Variants in GPR155 observed in about 807,000 individuals in gnomAD.
GPR155 encodes the protein lysosomal cholesterol signaling protein.
GPR155 carries 65 observed loss-of-function variants against 93.1 expected under a neutral mutation model. The ratio of observed to expected loss-of-function variants is 0.70; its 90% CI spans 0.57 to 0.86. The LOEUF is 0.86. Among genes scored for constraint, GPR155 ranks in the 40% least tolerant of loss-of-function variants. The probability of loss-of-function intolerance (pLI) is 0.00; values close to 1 mark genes in which losing one functional copy is unlikely to be tolerated. For missense variants in GPR155, 838 were observed against 1,034.8 expected (o/e 0.81, Z 2.61); for synonymous variants, 319 against 360.1 (o/e 0.89, Z 1.29).
intron 5 of GPR155, among the ~76,000 whole-genome samples, chr2:174,467,475 G>T (rs920591174): frequency 1.3e-5 from 2 of 152,156 alleles, no homozygotes; most frequent in African/African-American, 4.8e-5. Flanking sequence ...AACAGAGGGA[G>T]ACTCTGTCTC....
chr2:174,458,623 G>C (rs1037940941), intron 10 of GPR155, among the ~76,000 whole-genome samples: 1 of 152,030 alleles, frequency 6.6e-6, no homozygotes. Context: ...AGGCCCCAAA[G>C]ACTCAACTCT....
intron 11 of GPR155, among the ~76,000 whole-genome samples, chr2:174,448,442 C>T (rs1467802868): frequency 2.6e-5 from 4 of 151,838 alleles, no homozygotes; most frequent in South Asian, 4.2e-4. Flanking sequence ...TTCTGGACAT[C>T]GACCTTTGGG....
chr2:174,446,465 A>G (rs1687133409), intron 12 of GPR155, 146 bp downstream of exon 12: 1 of 664,088 alleles, frequency 1.5e-6, no homozygotes. Flanking sequence ...CACACCTGCA[A>G]TTATTTAGCT....
intron 1 of GPR155, among the ~76,000 whole-genome samples, chr2:174,484,267 G>C (rs1020175045): frequency 6.6e-6 from 1 of 152,176 alleles, no homozygotes; most frequent in Non-Finnish European, 1.5e-5. Flanking sequence ...GAAAGCTACC[G>C]GTTGGTACAG....
rs116622065 is a variant in GPR155, at chr2:174,482,507, G to A, written c.-31-520C>T. Among the ~76,000 whole-genome samples, 1,084 of 152,254 alleles carry A rather than the reference G, an allele frequency of 7.1e-3. 11 individuals are homozygous for A. Among genetic ancestry groups the A allele is most frequent in the African/African-American group, 0.025 (1,024 of 41,526 alleles). On this transcript the variant is annotated intron_variant, in intron 1 of 15. Transcript: ENST00000392552. The stretch of plus-strand genomic sequence containing the variant: ...CCGTGGTCATATTTGAATATAGGAT[G>A]GGAAGAAGGGTATAGTAGAGCACTA...
At position 174,435,621 on chromosome 2, in the gene GPR155, G is replaced by C. The variant is rs192974959; in HGVS notation, c.*495C>G. 1 of 152,562 alleles carries C rather than the reference G, an allele frequency of 6.6e-6. No individual in the cohort carries two copies. The highest frequency in any genetic ancestry group is 2.4e-5 in the African/African-American group (1 of 41,384). 9.5% of individuals were successfully genotyped at this position (152,562 alleles called of 1,614,324 possible). On this transcript the variant is annotated 3_prime_UTR_variant, in exon 16 of 16. Coordinates refer to ENST00000392552, the MANE Select transcript of GPR155 (RefSeq NM_152529.7). Reference sequence around the variant, plus strand: ...TGAGTAGCTGGGATTACAGGCACCCGCCACCACACCCAACTAATTTTTTGT... The same window carrying C: ...TGAGTAGCTGGGATTACAGGCACCCCCCACCACACCCAACTAATTTTTTGT...
Position 174,479,311 on chromosome 2 carries a change from A to AG in GPR155, c.460+2185dup, listed in dbSNP as rs1390116387. Among the ~76,000 whole-genome samples, 3 of 152,278 alleles carry AG rather than the reference A, an allele frequency of 2.0e-5. No individual in the cohort carries two copies. The East Asian group carries it at 5.8e-4, about 29-fold the overall frequency. Reference sequence around the variant, plus strand: ...CTACTCATTTTATGGAATATTTTAGAGGAAAAAAACCCTTTCATTTTTTCT... The same window carrying AG: ...CTACTCATTTTATGGAATATTTTAGAGGGAAAAAAACCCTTTCATTTTTTCT... On this transcript the variant is annotated intron_variant, in intron 2 of 15. Transcript: ENST00000392552.
rs1329014105 is a variant in GPR155 at position 174,461,450 on chromosome 2, T to C, written c.1512A>G (p.Lys504=). The change falls in exon 9 of 16, where the codon AAA becomes AAG. Residue 504 remains lysine (K), a synonymous_variant. Transcript: ENST00000392552. ...CTGAGTCAATGCTATCTCCATTGTGTTTTCCAGTTATCAAAAGAACACCAA... is the reference window on the plus strand; with the variant it reads ...CTGAGTCAATGCTATCTCCATTGTGCTTTCCAGTTATCAAAAGAACACCAA... The part of the protein sequence containing the change: ...LLVGVLLITG[K]HNGDSIDSAF... The C allele has an allele frequency of 3.1e-6, 5 of 1,613,452 alleles. No individual in the cohort carries two copies. Among genetic ancestry groups the C allele is most frequent in the Non-Finnish European group, 4.2e-6 (5 of 1,179,584 alleles).
intron 12 of GPR155, among the ~76,000 whole-genome samples, chr2:174,446,106 A>G (rs771650229): frequency 6.6e-6 from 1 of 152,006 alleles, no homozygotes; most frequent in Non-Finnish European, 1.5e-5. Context: ...CAGGGGTTCA[A>G]GACCAGCCTG....
At position 174,465,815 on chromosome 2, in the gene GPR155, T is replaced by A; in HGVS notation, c.1354A>T (p.Ser452Cys). Residue 452 changes from serine to cysteine, a missense_variant, in exon 7 of 16, where the codon AGC (serine) becomes TGC (cysteine). By Grantham distance (112) the Ser-to-Cys change is moderately radical (BLOSUM62 -1). Around this residue, in one of 3 missense-constraint regions of GPR155, gnomAD observed 663 missense variants for 790.1 expected, o/e 0.84. Transcript: ENST00000392552. The stretch of plus-strand genomic sequence containing the variant: ...CACAGGTAGGTGCTATAGAGGGAGC[T>A]GTACAATAGAACAAACACCAAAATT... The part of the protein sequence containing the change: ...GQILVFVLLY[S>C]SLYSTYLWTG... The A allele has an allele frequency of 6.3e-7, 1 of 1,597,354 alleles. No homozygotes were observed. Among genetic ancestry groups the A allele is most frequent in the Non-Finnish European group, 8.6e-7 (1 of 1,165,550 alleles).
At chr2:174,456,963 A>T (rs1487792867) in intron 10 of GPR155, among the ~76,000 whole-genome samples, 1 of 152,232 alleles carries the variant, frequency 6.6e-6, no homozygotes, top group African/African-American at 2.4e-5. Flanking sequence ...AGTTAACAGG[A>T]ATGAAAGATT....
intron 2 of GPR155, among the ~76,000 whole-genome samples, chr2:174,474,790 A>AG (rs1203449289): frequency 3.9e-5 from 6 of 152,048 alleles, no homozygotes; most frequent in Non-Finnish European, 5.9e-5. Context: ...GGTAGACGTG[A>AG]GGGTTGGTGA....
At position 174,432,819 on chromosome 2, in the gene GPR155, A is replaced by T. The variant is rs1453146109; in HGVS notation, c.*3297T>A. 2 of 135,910 alleles carry T rather than the reference A, an allele frequency of 1.5e-5. No individual in the cohort carries two copies. The highest frequency in any genetic ancestry group is 3.0e-5 in the Non-Finnish European group (2 of 65,988). The allele number at this position is 135,910 out of a possible 1,614,324, so 8.4% of individuals were successfully genotyped here. A position where few individuals can be genotyped will look rare whatever the true frequency, so the allele number is the denominator to read the frequency against. On this transcript the variant is annotated 3_prime_UTR_variant, in exon 16 of 16. Coordinates refer to ENST00000392552, the MANE Select transcript of GPR155 (RefSeq NM_152529.7). The stretch of plus-strand genomic sequence containing the variant: ...CACTCTGTCGCCCAGGCTGGAGTGC[A>T]GTGGCGCGATCTTGGTTCACTGCAA...
rs755026600 is a variant in GPR155, at chr2:174,461,649, G to GA, written c.1407dup (p.Leu470SerfsTer40). 1 of 1,603,900 alleles carries GA rather than the reference G, an allele frequency of 6.2e-7. No individual in the cohort carries two copies. Among genetic ancestry groups the GA allele is most frequent in the Admixed American group, 1.7e-5 (1 of 59,918 alleles). Reference sequence around the variant, plus strand: ...TGTACCCTCTCTCGCTTTTTCAAAAGAAACAAAGAAATTGCTAGAAGGCCT... The same window carrying GA: ...TGTACCCTCTCTCGCTTTTTCAAAAGAAAACAAAGAAATTGCTAGAAGGCCT... On this transcript the variant is annotated frameshift_variant, in exon 8 of 16. Transcript: ENST00000392552. LOFTEE classifies it high-confidence loss of function.
chr2:174,475,816 A>G (rs1330088225), intron 2 of GPR155, among the ~76,000 whole-genome samples: 2 of 152,204 alleles, frequency 1.3e-5, no homozygotes, highest in African/African-American at 2.4e-5. Flanking sequence ...AATAGAGCAG[A>G]TATTTTCGAA....
rs146355239 is a variant in GPR155, at chr2:174,462,658, C to T, written c.1385-986G>A. ...AGGACAATTCTAAAAATAAAAACAT[C>T]CCCCTCTTCTGGTGCTAAGAAGTAT... On this transcript the variant is annotated intron_variant, in intron 7 of 15. Coordinates refer to ENST00000392552, the MANE Select transcript of GPR155 (RefSeq NM_152529.7). 1.6e-4 allele frequency among the ~76,000 whole-genome samples: 25 copies of T among 152,332 alleles called. No homozygotes were observed. In the East Asian group the frequency reaches 4.8e-3, roughly 29 times the overall value.
At chr2:174,478,797 G>A (rs1243202845) in intron 2 of GPR155, among the ~76,000 whole-genome samples, 1 of 151,860 alleles carries the variant, frequency 6.6e-6, no homozygotes, top group Non-Finnish European at 1.5e-5. Flanking sequence ...GAATTCCTTG[G>A]AGAGGCCAGG....
intron 2 of GPR155, among the ~76,000 whole-genome samples, chr2:174,480,649 G>C (rs1688291700): frequency 6.6e-6 from 1 of 151,988 alleles, no homozygotes; most frequent in South Asian, 2.1e-4. Context: ...TGCTGAAAGA[G>C]TCAGAAACAT....
At chr2:174,451,619 T>C (rs1255977376) in intron 11 of GPR155, among the ~76,000 whole-genome samples, 1 of 152,116 alleles carries the variant, frequency 6.6e-6, no homozygotes, top group Non-Finnish European at 1.5e-5. Context: ...GATCAGAAAA[T>C]CCAAGCCCCT....
Sources: allele counts gnomAD v4.1 joint callset (sites outside exome capture counted in the v4.1 genomes callset), GRCh38; gene constraint gnomAD v4.1.1; regional missense constraint gnomAD v4.1.1; transcripts MANE v1.5; gene names NCBI Gene and HGNC (gene_info 2026-07-23, HGNC 2026-07-21).